Variants in NDST4 observed in about 807,000 individuals in gnomAD.
NDST4 encodes the protein N-deacetylase and N-sulfotransferase 4, also known as N-heparan sulfate sulfotransferase 4.
NDST4 carries 63 observed loss-of-function variants against 100.8 expected under a neutral mutation model. The ratio of observed to expected loss-of-function variants is 0.62; its 90% CI spans 0.51 to 0.77. NDST4 has a LOEUF of 0.77. NDST4 is among the 30% of genes least tolerant of loss of function. The pLI is 0.00. For synonymous variants in NDST4, 377 were observed against 361.8 expected, an observed-to-expected ratio of 1.04 and a Z score of -0.48; for missense variants, 943 against 1,018.4, an observed-to-expected ratio of 0.93 and a Z score of 1.01.
At chr4:115,063,925 T>G (rs1323711406) in intron 2 of NDST4, among the ~76,000 whole-genome samples, 2 of 151,944 alleles carry the variant, frequency 1.3e-5, no homozygotes, top group Non-Finnish European at 2.9e-5. Flanking sequence ...ATGGAACTCA[T>G]GGACATTAAT....
intron 2 of NDST4, among the ~76,000 whole-genome samples, chr4:115,053,018 G>T (rs572611565): frequency 1.2e-4 from 19 of 152,174 alleles, no homozygotes; most frequent in African/African-American, 4.6e-4. Flanking sequence ...TCGAACAAAA[G>T]GTACATGTTT....
rs1180640395 is a variant in NDST4, at chr4:114,845,877, G to T, written c.2061C>A (p.Ala687=). 6.2e-7 allele frequency: 1 copy of T among 1,614,118 alleles called. No individual in the cohort carries two copies. Residue 687 remains alanine, a synonymous_variant, in exon 10 of 14, where the codon GCC becomes GCA. Coordinates refer to ENST00000264363, the MANE Select transcript of NDST4 (RefSeq NM_022569.3). ...PRRAASLVPK[A]KIITILIDPS... ...GGTCAATGAGGATGGTGATGATCTT[G>T]GCTTTGGGGACAAGAGATGCGGCTC... is the stretch of plus-strand genomic sequence containing the variant.
chr4:114,961,497 T>C (rs1021162321), intron 4 of NDST4, among the ~76,000 whole-genome samples: 1 of 151,954 alleles, frequency 6.6e-6, no homozygotes, highest in Non-Finnish European at 1.5e-5. Flanking sequence ...AAATCAATAA[T>C]GAAACTGGAG....
At chr4:115,014,514 T>C (rs902471862) in intron 2 of NDST4, among the ~76,000 whole-genome samples, 2 of 152,090 alleles carry the variant, frequency 1.3e-5, no homozygotes, top group African/African-American at 4.8e-5. Context: ...CTGATGTGTG[T>C]TACTCCAGCA....
intron 6 of NDST4, among the ~76,000 whole-genome samples, chr4:114,903,726 C>T (rs2126211321): frequency 6.6e-6 from 1 of 151,908 alleles, no homozygotes; most frequent in African/African-American, 2.4e-5. Flanking sequence ...AGACCAGAAA[C>T]TGTAAGTCTC....
In NDST4 at chr4:114,909,643, C is replaced by G. The variant is rs186359414; in HGVS notation, c.1536+25563G>C. On this transcript the variant is annotated intron_variant, in intron 6 of 13. Coordinates refer to ENST00000264363, the MANE Select transcript of NDST4 (RefSeq NM_022569.3). ...CCACTGCAGTCTGCAGTCCGGCCTG[C>G]TGGGCGACAGAGCGAGACTCCGTCT... Among the ~76,000 whole-genome samples the G allele has an allele frequency of 1.7e-3, 228 of 131,002 alleles. 2 individuals are homozygous for G. The highest frequency in any genetic ancestry group is 6.7e-3 in the African/African-American group (214 of 31,852). The allele number at this position is 131,002 out of a possible 152,430, so 85.9% of individuals were successfully genotyped here.
chr4:115,087,176 T>A (rs1578511955), intron 1 of NDST4, among the ~76,000 whole-genome samples: 2 of 152,156 alleles, frequency 1.3e-5, no homozygotes, highest in East Asian at 3.9e-4. Context: ...TTGGGATAAA[T>A]CTGTGACTCT....
At chr4:115,039,166 GA>G (rs1173491283) in intron 2 of NDST4, among the ~76,000 whole-genome samples, 2 of 152,138 alleles carry the variant, frequency 1.3e-5, no homozygotes, top group Non-Finnish European at 2.9e-5. Flanking sequence ...CTATAGGTGA[GA>G]AATTCATGTA....
At chr4:114,868,944 TTA>T (rs3077771) in intron 7 of NDST4, among the ~76,000 whole-genome samples, 102,912 of 143,460 alleles carry the variant, frequency 0.72, 39,240 homozygotes, top group Non-Finnish European at 0.86. Flanking sequence ...CACTTGCAAA[TTA>T]TATATATATA....
intron 4 of NDST4, among the ~76,000 whole-genome samples, chr4:114,963,825 T>C (rs1169094381): frequency 3.3e-5 from 5 of 152,214 alleles, no homozygotes; most frequent in African/African-American, 9.6e-5. Context: ...ATTTTGAAAT[T>C]AATGCAATAG....
At chr4:114,936,112 T>G (rs1725623649) in intron 5 of NDST4, among the ~76,000 whole-genome samples, 1 of 152,130 alleles carries the variant, frequency 6.6e-6, no homozygotes, top group Admixed American at 6.5e-5. Context: ...GAATGGTCAT[T>G]CAAGGCAAGG....
chr4:115,106,057 G>A (rs2110345598), intron 1 of NDST4, among the ~76,000 whole-genome samples: 1 of 152,144 alleles, frequency 6.6e-6, no homozygotes, highest in East Asian at 1.9e-4. Flanking sequence ...TAAATGGGGA[G>A]CGCTGACACA....
At chr4:115,005,019 A>C (rs1166779124) in intron 2 of NDST4, among the ~76,000 whole-genome samples, 1 of 152,202 alleles carries the variant, frequency 6.6e-6, no homozygotes, top group Admixed American at 6.5e-5. Flanking sequence ...CATTGAATTT[A>C]ATTATTAAAA....
At chr4:114,947,379 G>A (rs908140670) in intron 4 of NDST4, among the ~76,000 whole-genome samples, 1 of 152,170 alleles carries the variant, frequency 6.6e-6, no homozygotes, top group African/African-American at 2.4e-5. Context: ...CCCAAGAAGA[G>A]TGAGGGACAA....
chr4:115,039,891 A>C (rs1304284403), intron 2 of NDST4, among the ~76,000 whole-genome samples: 2 of 152,156 alleles, frequency 1.3e-5, no homozygotes, highest in African/African-American at 4.8e-5. Flanking sequence ...AAAAGAGCTC[A>C]AATAATTCAT....
At chr4:114,924,745 G>C (rs777938453) in intron 6 of NDST4, among the ~76,000 whole-genome samples, 9 of 152,130 alleles carry the variant, frequency 5.9e-5, no homozygotes, top group Non-Finnish European at 8.8e-5. Flanking sequence ...CATACAGTTC[G>C]ATGGAAGAAA....
chr4:115,112,595 CTA>C (rs1729977504), intron 1 of NDST4, among the ~76,000 whole-genome samples: 1 of 151,796 alleles, frequency 6.6e-6, no homozygotes, highest in Admixed American at 6.6e-5. Context: ...CTTAAAAAAA[CTA>C]TGACAGGAAT....
chr4:114,982,162 A>C (rs1410647587), intron 2 of NDST4, among the ~76,000 whole-genome samples: 1 of 152,220 alleles, frequency 6.6e-6, no homozygotes, highest in African/African-American at 2.4e-5. Context: ...GCACTGCTAT[A>C]ATGACACCTG....
At chr4:114,887,572 C>T (rs1724505697) in intron 6 of NDST4, among the ~76,000 whole-genome samples, 1 of 151,978 alleles carries the variant, frequency 6.6e-6, no homozygotes, top group Non-Finnish European at 1.5e-5. Flanking sequence ...GCATTGATGT[C>T]TGCTTGCTGG....
Sources: allele counts gnomAD v4.1 joint callset (sites outside exome capture counted in the v4.1 genomes callset), GRCh38; gene constraint gnomAD v4.1.1; transcripts MANE v1.5; gene names NCBI Gene and HGNC (gene_info 2026-07-23, HGNC 2026-07-21).